The following RYR3 variants were observed in gnomAD, a reference collection of about 807,000 sequenced individuals.
RYR3 encodes ryanodine receptor 3.
RYR3 carries 207 observed loss-of-function variants against 584.3 expected under a neutral mutation model. The ratio of observed to expected loss-of-function variants is 0.35; its 90% CI spans 0.32 to 0.40. RYR3 has a LOEUF of 0.40. RYR3 is among the 10% of genes least tolerant of loss of function. RYR3 has a pLI of 1.00. For missense variants in RYR3, 5,616 were observed against 6,089.2 expected (o/e 0.92, Z 2.59); for synonymous variants, 2,416 against 2,248.5 (o/e 1.07, Z -2.11).
chr15:33,809,615 T>C (rs1318971726), intron 70 of RYR3, among the ~76,000 whole-genome samples: 65 of 73,090 alleles, frequency 8.9e-4, no homozygotes, highest in Admixed American at 1.1e-3. Context: ...TCTCTCTCTT[T>C]TTTTTTTTTT....
At chr15:33,527,586 CA>C (rs34864486) in intron 3 of RYR3, among the ~76,000 whole-genome samples, 198 of 127,506 alleles carry the variant, frequency 1.6e-3, no homozygotes, top group African/African-American at 3.2e-3. Context: ...AACTCTGTCT[CA>C]AAAAAAAAAA....
At chr15:33,629,802 C>G in intron 21 of RYR3, 138 bp from the exon 22 acceptor site, 1 of 578,558 alleles carries the variant, frequency 1.7e-6, no homozygotes, top group Non-Finnish European at 3.1e-6. Context: ...ATCTGTTTGC[C>G]GAATAGCAAG....
At chr15:33,653,550 G>A (rs1349270782) in intron 32 of RYR3, among the ~76,000 whole-genome samples, 1 of 151,844 alleles carries the variant, frequency 6.6e-6, no homozygotes, top group African/African-American at 2.4e-5. Flanking sequence ...CGCGCCTATA[G>A]TCCCAGCTAC....
chr15:33,374,780 G>A (rs374594633), intron 1 of RYR3, among the ~76,000 whole-genome samples: 1 of 152,278 alleles, frequency 6.6e-6, no homozygotes, highest in African/African-American at 2.4e-5. Context: ...CATGTGTTTG[G>A]AGCATTCTGG....
chr15:33,663,528 T>A lies in RYR3; in HGVS notation c.5419-9T>A, dbSNP rs372099114. On this transcript the variant is annotated splice_polypyrimidine_tract_variant and intron_variant, in intron 35 of 103. Coordinates refer to ENST00000634891, the MANE Select transcript of RYR3 (RefSeq NM_001036.6). ...ACAAAGTGTTATCTATATAATACTT[T>A]CATTGCAGATGTGTGAGCTCCTCAG... The A allele has an allele frequency of 6.8e-6, 11 of 1,612,294 alleles. No individual in the cohort carries two copies. Among genetic ancestry groups the A allele is most frequent in the Non-Finnish European group, 9.3e-6 (11 of 1,179,050 alleles).
intron 1 of RYR3, among the ~76,000 whole-genome samples, chr15:33,464,463 GATATATATATATATAT>G (rs569756898): frequency 5.0e-5 from 4 of 79,282 alleles, no homozygotes; most frequent in Admixed American, 1.2e-4. Flanking sequence ...GGGAGGTGGA[GATATATATATATATAT>G]ATATATATAT....
At chr15:33,639,373 G>A (rs1441088133) in intron 27 of RYR3, among the ~76,000 whole-genome samples, 1 of 152,168 alleles carries the variant, frequency 6.6e-6, no homozygotes, top group African/African-American at 2.4e-5. Context: ...GTGAGTTGGT[G>A]GAAGGGTAGT....
At chr15:33,430,633 G>GA (rs1172124313) in intron 1 of RYR3, among the ~76,000 whole-genome samples, 1 of 152,132 alleles carries the variant, frequency 6.6e-6, no homozygotes, top group African/African-American at 2.4e-5. Flanking sequence ...GGCGATGTGG[G>GA]TTTCTGAAAA....
chr15:33,636,736 T>C (rs1036788564), intron 27 of RYR3, among the ~76,000 whole-genome samples, 186 bp downstream of exon 27: 3 of 152,156 alleles, frequency 2.0e-5, no homozygotes, highest in African/African-American at 7.2e-5. Context: ...ATAGTGATAG[T>C]TGGTGTGTGC....
chr15:33,635,822 G>A lies in RYR3; in HGVS notation c.3381+3G>A, dbSNP rs2152646132. On this transcript the variant is annotated splice_donor_region_variant and intron_variant, in intron 26 of 103. Transcript: ENST00000634891. Reference sequence around the variant, plus strand: ...CCTTTGTGTTTGAAGGCAACAGGGTGAGTTTATATATCTAGCAAACACCCA... The same window carrying A: ...CCTTTGTGTTTGAAGGCAACAGGGTAAGTTTATATATCTAGCAAACACCCA... The A allele has an allele frequency of 6.2e-7, 1 of 1,609,268 alleles. No homozygotes were observed. The highest frequency in any genetic ancestry group is 2.2e-5 in the East Asian group (1 of 44,828).
intron 18 of RYR3, among the ~76,000 whole-genome samples, chr15:33,605,054 G>T (rs2152558370): frequency 6.6e-6 from 1 of 152,304 alleles, no homozygotes; most frequent in Non-Finnish European, 1.5e-5. Flanking sequence ...ATGAAGATTG[G>T]CTAAGGAAGT....
chr15:33,659,660 G>T, intron 32 of RYR3, 60 bp from the exon 33 acceptor site: 1 of 1,114,640 alleles, frequency 9.0e-7, no homozygotes, highest in Admixed American at 1.8e-5. Flanking sequence ...CCCAATGGCT[G>T]AGCCAGCTGT....
At chr15:33,569,679 A>C (rs187380465) in intron 12 of RYR3, among the ~76,000 whole-genome samples, 21 of 152,280 alleles carry the variant, frequency 1.4e-4, no homozygotes, top group Admixed American at 1.3e-3. Context: ...TCTGTTTTCC[A>C]AAGTGGATGT....
intron 33 of RYR3, 126 bp from the exon 34 acceptor site, chr15:33,660,071 G>A (rs1334247723): frequency 1.5e-6 from 1 of 679,824 alleles, no homozygotes; most frequent in Non-Finnish European, 2.6e-6. Flanking sequence ...TGCTGGTAAA[G>A]CCCTTAGAGA....
At chr15:33,438,294 C>G (rs1299069510) in intron 1 of RYR3, among the ~76,000 whole-genome samples, 1 of 152,108 alleles carries the variant, frequency 6.6e-6, no homozygotes, top group Non-Finnish European at 1.5e-5. Flanking sequence ...ACCAGCATCT[C>G]CCATTCCGTA....
intron 10 of RYR3, among the ~76,000 whole-genome samples, chr15:33,562,531 A>G (rs113857147): frequency 2.0e-5 from 3 of 151,642 alleles, no homozygotes; most frequent in African/African-American, 7.3e-5. Flanking sequence ...GGATGAGGAA[A>G]GTAGAAAATA....
intron 36 of RYR3, among the ~76,000 whole-genome samples, chr15:33,665,101 G>C (rs911549961): frequency 1.3e-5 from 2 of 152,096 alleles, no homozygotes; most frequent in Admixed American, 1.3e-4. Flanking sequence ...GCTGCTTTTA[G>C]ACTGGCAATA....
chr15:33,748,413 T>G, intron 54 of RYR3, 55 bp from the exon 55 acceptor site: 3 of 1,576,864 alleles, frequency 1.9e-6, no homozygotes, highest in Non-Finnish European at 2.6e-6. Context: ...TGGGGATGCC[T>G]GATAAGAACA....
intron 1 of RYR3, among the ~76,000 whole-genome samples, chr15:33,399,354 T>C (rs1176047944): frequency 6.6e-6 from 1 of 152,142 alleles, no homozygotes; most frequent in Admixed American, 6.5e-5. Flanking sequence ...AAGTGAACCC[T>C]GAGGCCAGGC....
Sources: allele counts gnomAD v4.1 joint callset (sites outside exome capture counted in the v4.1 genomes callset), GRCh38; gene constraint gnomAD v4.1.1; transcripts MANE v1.5; gene names NCBI Gene and HGNC (gene_info 2026-07-23, HGNC 2026-07-21).